The following SNTG2 variants were observed in gnomAD, a reference collection of about 807,000 sequenced individuals.
SNTG2 encodes syntrophin gamma 2, also known as gamma-2-syntrophin.
In SNTG2, 74 loss-of-function variants were observed where a neutral mutation model predicts 70.9. The ratio of observed to expected loss-of-function variants is 1.04; its 90% CI spans 0.86 to 1.27. The LOEUF is 1.27. Ranked by LOEUF, SNTG2 falls within the 50% of genes most tolerant of loss-of-function variation. The pLI is 0.00. For synonymous variants in SNTG2, 278 were observed against 273.8 expected (o/e 1.02, Z -0.15); for missense variants, 717 against 690.7 (o/e 1.04, Z -0.43).
intron 14 of SNTG2, among the ~76,000 whole-genome samples, chr2:1,303,679 G>T (rs2148239879): frequency 6.6e-6 from 1 of 152,154 alleles, no homozygotes; most frequent in East Asian, 1.9e-4. Flanking sequence ...CTGTTTCTTT[G>T]AAGATATCAT....
In SNTG2 at chr2:1,285,683, A is replaced by G. The variant is rs944258476; in HGVS notation, c.1284+18112A>G. The stretch of plus-strand genomic sequence containing the variant: ...AATGCTCATGACAATTACAATCCCC[A>G]TTTCTGCATCTGGTCACATGGTCAT... On this transcript the variant is annotated intron_variant, in intron 14 of 16. Coordinates refer to ENST00000308624, the MANE Select transcript of SNTG2 (RefSeq NM_018968.4). Among the ~76,000 whole-genome samples the G allele has an allele frequency of 5.3e-5, 8 of 152,172 alleles. 1 individual carries two copies. Among genetic ancestry groups the G allele is most frequent in the Admixed American group, 2.6e-4 (4 of 15,290 alleles).
chr2:1,239,913 T>C (rs1572840021), intron 11 of SNTG2, 137 bp downstream of exon 11: 1 of 1,115,852 alleles, frequency 9.0e-7, no homozygotes, highest in East Asian at 2.6e-5. Context: ...AGGAAAACAT[T>C]AGCACATTTC....
intron 16 of SNTG2, among the ~76,000 whole-genome samples, chr2:1,354,971 G>C (rs1490607063): frequency 6.6e-6 from 1 of 152,220 alleles, no homozygotes; most frequent in Non-Finnish European, 1.5e-5. Context: ...TTTGACTTCA[G>C]GCTTCTGTGG....
chr2:993,731 G>T (rs1168103765), intron 1 of SNTG2, among the ~76,000 whole-genome samples: 1 of 152,102 alleles, frequency 6.6e-6, no homozygotes, highest in Non-Finnish European at 1.5e-5. Flanking sequence ...ATACTAGTGA[G>T]TGTGAGCTGG....
rs548987180 is a variant in SNTG2, at chr2:1,354,477, G to C, written c.1489-12866G>C. 2.9e-5 allele frequency among the ~76,000 whole-genome samples: 2 copies of C among 68,158 alleles called. 1 individual carries two copies. Among genetic ancestry groups the C allele is most frequent in the Admixed American group, 3.5e-4 (2 of 5,668 alleles). The allele number at this position is 68,158 out of a possible 152,430, so 44.7% of individuals were successfully genotyped here. ...CTGGAGCTCAGGGACTGGGTGTTCCGTGGCAGAGCGGCTGCCTGAGTTCCC... is the reference window on the plus strand; with the variant it reads ...CTGGAGCTCAGGGACTGGGTGTTCCCTGGCAGAGCGGCTGCCTGAGTTCCC... On this transcript the variant is annotated intron_variant, in intron 16 of 16. Coordinates refer to ENST00000308624, the MANE Select transcript of SNTG2 (RefSeq NM_018968.4).
At position 1,259,423 on chromosome 2, in the gene SNTG2, G is replaced by A. The variant is rs749043299; in HGVS notation, c.1059G>A (p.Val353=). The A allele has an allele frequency of 5.0e-6, 8 of 1,613,906 alleles. No homozygotes were observed. The highest frequency in any genetic ancestry group is 2.5e-6 in the Non-Finnish European group (3 of 1,179,800). Residue 353 remains valine, a synonymous_variant, in exon 13 of 17, where the codon GTG becomes GTA. Transcript: ENST00000308624. ...RAERTYHLCE[V]LFKVHKFWLT... is the part of the protein sequence containing the mutation. ...AAAGGACCTATCACCTCTGTGAGGT[G>A]CTATTTAAAGTTCACAAGGTAGGTA...
chr2:1,309,446 G>C (rs547916576), intron 15 of SNTG2, among the ~76,000 whole-genome samples: 2 of 152,222 alleles, frequency 1.3e-5, no homozygotes, highest in Non-Finnish European at 2.9e-5. Flanking sequence ...TCCTAGGCAG[G>C]GTCTCCCAAA....
intron 1 of SNTG2, among the ~76,000 whole-genome samples, chr2:992,187 T>C (rs1661519940): frequency 6.6e-6 from 1 of 152,088 alleles, no homozygotes; most frequent in South Asian, 2.1e-4. Flanking sequence ...TTTGATTATT[T>C]TGTAAAGCAA....
intron 4 of SNTG2, among the ~76,000 whole-genome samples, chr2:1,120,364 A>T (rs1558424337): frequency 6.6e-6 from 1 of 152,190 alleles, no homozygotes. Flanking sequence ...TACCAACAAC[A>T]AGAAAATGAG....
intron 6 of SNTG2, among the ~76,000 whole-genome samples, chr2:1,155,427 TAC>T: frequency 6.6e-6 from 1 of 152,010 alleles, no homozygotes; most frequent in East Asian, 1.9e-4. Flanking sequence ...CACACACGTG[TAC>T]ACACACCACA....
chr2:1,203,684 ATATATATGTG>A (rs1673441230), intron 8 of SNTG2, among the ~76,000 whole-genome samples: 8 of 145,276 alleles, frequency 5.5e-5, no homozygotes, highest in Admixed American at 2.0e-4. Context: ...ATATATATAT[ATATATATGTG>A]TGTGTGTGTG....
At chr2:1,040,561 C>A (rs4073456) in intron 1 of SNTG2, among the ~76,000 whole-genome samples, 2 of 152,116 alleles carry the variant, frequency 1.3e-5, no homozygotes, top group Non-Finnish European at 2.9e-5. Flanking sequence ...GAGTTTCTGC[C>A]GGCCATTGCC....
intron 16 of SNTG2, among the ~76,000 whole-genome samples, chr2:1,348,149 G>C (rs1660392402): frequency 6.6e-6 from 1 of 152,100 alleles, no homozygotes; most frequent in African/African-American, 2.4e-5. Flanking sequence ...AACAGCCACT[G>C]GACCCTGCCT....
chr2:994,566 A>G (rs1348083394), intron 1 of SNTG2, among the ~76,000 whole-genome samples: 1 of 152,132 alleles, frequency 6.6e-6, no homozygotes, highest in Non-Finnish European at 1.5e-5. Context: ...AATTTCTGCA[A>G]ATAAATCAGC....
chr2:1,113,156 T>TACTAAGCGA (rs1258566278), intron 4 of SNTG2, among the ~76,000 whole-genome samples: 1 of 151,696 alleles, frequency 6.6e-6, no homozygotes, highest in Non-Finnish European at 1.5e-5. Context: ...AGGAGGATCG[T>TACTAAGCGA]GGGTACTAAG....
chr2:1,226,051 T>C (rs890021269), intron 9 of SNTG2, among the ~76,000 whole-genome samples: 2 of 152,124 alleles, frequency 1.3e-5, no homozygotes, highest in Non-Finnish European at 2.9e-5. Context: ...AAATGATAAC[T>C]TTCAAAAACA....
chr2:1,044,981 G>A (rs13398652), intron 1 of SNTG2, among the ~76,000 whole-genome samples: 14,464 of 151,562 alleles, frequency 0.095, 764 homozygotes, highest in East Asian at 0.17. Context: ...TTATACATCT[G>A]TTACAATTAG....
At chr2:1,224,748 G>A in intron 9 of SNTG2, among the ~76,000 whole-genome samples, 1 of 151,426 alleles carries the variant, frequency 6.6e-6, no homozygotes, top group East Asian at 1.9e-4. Flanking sequence ...CCTGGACTGG[G>A]TCCAGTCTGC....
chr2:971,245 G>A (rs1660729914), intron 1 of SNTG2, among the ~76,000 whole-genome samples: 1 of 152,284 alleles, frequency 6.6e-6, no homozygotes, highest in Middle Eastern at 3.4e-3. Flanking sequence ...CTGTGAATTT[G>A]TTTGTGAATT....
Sources: allele counts gnomAD v4.1 joint callset (sites outside exome capture counted in the v4.1 genomes callset), GRCh38; gene constraint gnomAD v4.1.1; transcripts MANE v1.5; gene names NCBI Gene and HGNC (gene_info 2026-07-23, HGNC 2026-07-21).